Variants in DOCK2 observed in about 807,000 individuals in gnomAD.
DOCK2 encodes the protein dedicator of cytokinesis protein 2.
DOCK2 carries 87 observed loss-of-function variants against 248.9 expected under a neutral mutation model. That is an observed-to-expected ratio of 0.35 (90% CI 0.29 to 0.42). DOCK2 has a LOEUF of 0.42. Among genes scored for constraint, DOCK2 ranks in the 10% least tolerant of loss-of-function variants. The pLI is 1.00. For missense variants in DOCK2, 1,747 were observed against 2,300.2 expected (o/e 0.76, Z 4.92); for synonymous variants, 805 against 821.6 (o/e 0.98, Z 0.35).
intron 22 of DOCK2, among the ~76,000 whole-genome samples, chr5:169,742,721 G>A (rs369161817): frequency 3.3e-5 from 5 of 152,192 alleles, no homozygotes; most frequent in African/African-American, 4.8e-5. Context: ...ATGTACCTGC[G>A]TGAAAGAGGT....
chr5:169,762,460 G>A (rs1764542829), intron 25 of DOCK2, among the ~76,000 whole-genome samples: 1 of 152,150 alleles, frequency 6.6e-6, no homozygotes. Context: ...GGGCCCCACT[G>A]GCAGAAGACT....
At chr5:170,076,215 A>G (rs1002802552) in intron 47 of DOCK2, 131 bp downstream of exon 47, 1 of 1,352,818 alleles carries the variant, frequency 7.4e-7, no homozygotes, top group South Asian at 1.5e-5. Context: ...GATGGCCAGC[A>G]TTGCTGGATC....
chr5:169,687,172 C>G (rs1760033180), intron 8 of DOCK2, among the ~76,000 whole-genome samples: 2 of 152,022 alleles, frequency 1.3e-5, no homozygotes, highest in African/African-American at 4.8e-5. Context: ...TGGAATATAT[C>G]TAAGCATTTC....
rs186211452 is a variant in DOCK2, at chr5:169,945,613, C to T, written c.2800-37455C>T. 5.0e-3 allele frequency among the ~76,000 whole-genome samples: 764 copies of T among 152,328 alleles called. 16 individuals carry two copies. In the South Asian group the frequency reaches 0.067, roughly 13 times the overall value. On this transcript the variant is annotated intron_variant, in intron 27 of 51. Transcript: ENST00000520908. Reference sequence around the variant, plus strand: ...GAGAAGTGAAGTCTGTTGCCCAGAGCTCACAGCTACTAACTGGCTGAGCTG... The same window carrying T: ...GAGAAGTGAAGTCTGTTGCCCAGAGTTCACAGCTACTAACTGGCTGAGCTG...
At chr5:169,662,703 G>A (rs184444147) in intron 2 of DOCK2, among the ~76,000 whole-genome samples, 32 of 152,264 alleles carry the variant, frequency 2.1e-4, no homozygotes, top group African/African-American at 6.5e-4. Context: ...ATCAGATCTC[G>A]TGAGAACTCA....
intron 27 of DOCK2, among the ~76,000 whole-genome samples, chr5:169,931,672 A>G (rs1414864540): frequency 2.0e-5 from 3 of 152,036 alleles, no homozygotes; most frequent in Non-Finnish European, 4.4e-5. Context: ...GCTGTGTGAG[A>G]TGGTGGTGAG....
chr5:169,795,447 C>T (rs1278881938), intron 25 of DOCK2, among the ~76,000 whole-genome samples: 1 of 152,070 alleles, frequency 6.6e-6, no homozygotes, highest in Non-Finnish European at 1.5e-5. Context: ...GGTGATGATT[C>T]TGGGTGTTGT....
chr5:169,902,323 G>C lies in DOCK2; in HGVS notation c.2799+61471G>C, dbSNP rs147220853. Among the ~76,000 whole-genome samples, 201 of 152,310 alleles carry C rather than the reference G, an allele frequency of 1.3e-3. 1 individual carries two copies. The East Asian group carries it at 0.028, about 21-fold the overall frequency. On this transcript the variant is annotated intron_variant, in intron 27 of 51. Coordinates refer to ENST00000520908, the MANE Select transcript of DOCK2 (RefSeq NM_004946.3). Reference sequence around the variant, plus strand: ...TGGACGAGGCCATCTTTTTAAGGCTGTGCTATTTTATATGATCCTCATGTT... The same window carrying C: ...TGGACGAGGCCATCTTTTTAAGGCTCTGCTATTTTATATGATCCTCATGTT...
chr5:169,694,076 C>G (rs1287135311), intron 9 of DOCK2, among the ~76,000 whole-genome samples: 1 of 152,238 alleles, frequency 6.6e-6, no homozygotes, highest in African/African-American at 2.4e-5. Context: ...GGTCCCCAGG[C>G]AGGAAGGTGT....
chr5:169,756,496 C>T (rs377035723), intron 23 of DOCK2, among the ~76,000 whole-genome samples: 41 of 152,316 alleles, frequency 2.7e-4, no homozygotes, highest in South Asian at 2.5e-3. Context: ...ACTCAGCACA[C>T]ACCATCATGA....
At chr5:169,854,633 G>A (rs1770795852) in intron 27 of DOCK2, among the ~76,000 whole-genome samples, 1 of 152,238 alleles carries the variant, frequency 6.6e-6, no homozygotes, top group Non-Finnish European at 1.5e-5. Context: ...CAGAAGTCAG[G>A]ACCCCCAGCC....
At chr5:169,804,472 G>GTC (rs1561712830) in intron 26 of DOCK2, among the ~76,000 whole-genome samples, 1 of 83,708 alleles carries the variant, frequency 1.2e-5, no homozygotes, top group African/African-American at 3.0e-5. Context: ...GTGTGTGTGT[G>GTC]TGTGTGTGTG....
intron 27 of DOCK2, among the ~76,000 whole-genome samples, chr5:169,972,908 C>A (rs998887703): frequency 4.6e-5 from 7 of 152,148 alleles, no homozygotes; most frequent in African/African-American, 1.4e-4. Context: ...CAACCACCCC[C>A]CTCCCCAATA....
At chr5:169,877,637 T>C (rs1182399434) in intron 27 of DOCK2, among the ~76,000 whole-genome samples, 8 of 152,060 alleles carry the variant, frequency 5.3e-5, no homozygotes, top group African/African-American at 9.7e-5. Context: ...AATGTCTGCA[T>C]GTAGTTGCTT....
Position 170,080,385 on chromosome 5 carries a change from G to C in DOCK2, c.5287+102G>C, listed in dbSNP as rs1227693498. The C allele has an allele frequency of 3.2e-6, 5 of 1,542,132 alleles. No homozygotes were observed. The Admixed American group carries it at 9.1e-5, about 28-fold the overall frequency. On this transcript the variant is annotated intron_variant, in intron 50 of 51. Transcript: ENST00000520908. ...GGAACTGTGTCTACACAACAAAGTG[G>C]GCCAGGCATCCTGGAGTGAGAGGCT...
At position 170,070,054 on chromosome 5, in the gene DOCK2, G is replaced by T. The variant is rs561082357; in HGVS notation, c.4728+834G>T. ...CAGTCGGCTAGATCCCTCTCATAGA[G>T]GCTTACACAGGGCTAGGCTTCCCTC... On this transcript the variant is annotated intron_variant, in intron 46 of 51. Coordinates refer to ENST00000520908, the MANE Select transcript of DOCK2 (RefSeq NM_004946.3). Among the ~76,000 whole-genome samples, 5 of 152,220 alleles carry T rather than the reference G, an allele frequency of 3.3e-5. No individual in the cohort carries two copies. The East Asian group carries it at 9.7e-4, about 29-fold the overall frequency.
intron 29 of DOCK2, 96 bp downstream of exon 29, chr5:169,986,018 G>T: frequency 8.5e-7 from 1 of 1,182,596 alleles, no homozygotes; most frequent in Non-Finnish European, 1.2e-6. Flanking sequence ...TCTCCTTGCT[G>T]AAAAGAAATT....
At chr5:169,968,345 C>T (rs1329358442) in intron 27 of DOCK2, among the ~76,000 whole-genome samples, 2 of 152,148 alleles carry the variant, frequency 1.3e-5, no homozygotes. Context: ...GGAGTCCAGC[C>T]ACTCCCCTCC....
rs1316787097 is a variant in DOCK2 at position 170,069,194 on chromosome 5, C to G, written c.4702C>G (p.His1568Asp). Residue 1568 changes from histidine to aspartate, a missense_variant, in exon 46 of 52, where the codon CAC (histidine) becomes GAC (aspartate). His to Asp is a moderately conservative substitution (Grantham distance 81). This residue lies in a region of DOCK2 where 513 missense variants were observed against 586.1 expected (regional missense o/e 0.88). Transcript: ENST00000520908. ...DHPEDQDKLT[H>D]LKDLIAWQIP... ...CCCTGAGGACCAGGACAAGCTGACCCACCTCAAGGACCTGATTGCATGGCA... is the reference window on the plus strand; with the variant it reads ...CCCTGAGGACCAGGACAAGCTGACCGACCTCAAGGACCTGATTGCATGGCA... The G allele has an allele frequency of 6.2e-7, 1 of 1,614,094 alleles. No homozygotes were observed. Among genetic ancestry groups the G allele is most frequent in the African/African-American group, 1.3e-5 (1 of 75,056 alleles).
Sources: allele counts gnomAD v4.1 joint callset (sites outside exome capture counted in the v4.1 genomes callset), GRCh38; gene constraint gnomAD v4.1.1; regional missense constraint gnomAD v4.1.1; transcripts MANE v1.5; gene names NCBI Gene and HGNC (gene_info 2026-07-23, HGNC 2026-07-21).